The following VWC2L variants were observed in gnomAD, a reference collection of about 807,000 sequenced individuals.
VWC2L encodes von Willebrand factor C domain containing 2 like, also known as von Willebrand factor C domain-containing protein 2-like.
Under a neutral mutation model 21.6 loss-of-function variants are expected in VWC2L, and 10 were observed. The observed-to-expected ratio is 0.46, with a 90% CI of 0.29 to 0.78. VWC2L has a LOEUF of 0.78. VWC2L is among the 30% of genes least tolerant of loss of function. The probability of loss-of-function intolerance (pLI) is 0.10; values close to 1 mark genes in which losing one functional copy is unlikely to be tolerated. For synonymous variants in VWC2L, 96 were observed against 94.3 expected (o/e 1.02, Z -0.10); for missense variants, 209 against 277.1 (o/e 0.75, Z 1.74).
chr2:214,480,275 A>G (rs1198066657), intron 3 of VWC2L, among the ~76,000 whole-genome samples: 3 of 152,224 alleles, frequency 2.0e-5, no homozygotes, highest in African/African-American at 7.2e-5. Flanking sequence ...GATAATGTGA[A>G]TTAACAAAAC....
At chr2:214,487,893 T>C (rs923411606) in intron 3 of VWC2L, among the ~76,000 whole-genome samples, 1 of 152,038 alleles carries the variant, frequency 6.6e-6, no homozygotes, top group Admixed American at 6.6e-5. Flanking sequence ...ACACGGAAAA[T>C]ATCTCATAAA....
chr2:214,487,849 G>A (rs899337511), intron 3 of VWC2L, among the ~76,000 whole-genome samples: 1 of 152,246 alleles, frequency 6.6e-6, no homozygotes, highest in South Asian at 2.1e-4. Flanking sequence ...TTCAAATGAT[G>A]GGGCTTTATT....
At chr2:214,453,717 T>C (rs947594374) in intron 3 of VWC2L, among the ~76,000 whole-genome samples, 5 of 75,032 alleles carry the variant, frequency 6.7e-5, no homozygotes, top group African/African-American at 6.0e-4. Flanking sequence ...TCCCAAAGAA[T>C]TTTTTTTCTT....
intron 3 of VWC2L, among the ~76,000 whole-genome samples, chr2:214,524,841 T>C (rs573087292): frequency 2.6e-5 from 4 of 152,114 alleles, no homozygotes; most frequent in Non-Finnish European, 4.4e-5. Flanking sequence ...TAGACCGTTA[T>C]AGAATCTTGA....
intron 3 of VWC2L, among the ~76,000 whole-genome samples, chr2:214,458,832 C>T (rs568015481): frequency 6.6e-6 from 1 of 152,188 alleles, no homozygotes; most frequent in Admixed American, 6.5e-5. Context: ...TGCTTTATGG[C>T]CTAACATATG....
At chr2:214,519,926 A>G (rs1689206044) in intron 3 of VWC2L, among the ~76,000 whole-genome samples, 1 of 152,242 alleles carries the variant, frequency 6.6e-6, no homozygotes, top group African/African-American at 2.4e-5. Flanking sequence ...GTTTCAAACA[A>G]TACCAAAAAG....
At chr2:214,415,907 T>C (rs1384526340) in intron 2 of VWC2L, among the ~76,000 whole-genome samples, 2 of 152,156 alleles carry the variant, frequency 1.3e-5, no homozygotes, top group African/African-American at 2.4e-5. Flanking sequence ...AAAAGTATCA[T>C]TGTTGACACC....
At chr2:214,498,355 G>C in intron 3 of VWC2L, among the ~76,000 whole-genome samples, 1 of 152,082 alleles carries the variant, frequency 6.6e-6, no homozygotes, top group Non-Finnish European at 1.5e-5. Context: ...TAAAGTGTGT[G>C]GTTTCAAAAC....
intron 3 of VWC2L, among the ~76,000 whole-genome samples, chr2:214,516,073 C>T (rs1405401396): frequency 1.3e-5 from 2 of 152,130 alleles, no homozygotes; most frequent in Non-Finnish European, 2.9e-5. Flanking sequence ...TTGGCACAGA[C>T]TCTTGAGAGT....
intron 3 of VWC2L, among the ~76,000 whole-genome samples, chr2:214,545,272 C>T (rs1016297044): frequency 3.3e-5 from 5 of 152,036 alleles, no homozygotes; most frequent in Non-Finnish European, 5.9e-5. Context: ...GTGTTATATC[C>T]GCGTGCACCC....
chr2:214,537,368 C>T (rs1042885219), intron 3 of VWC2L, among the ~76,000 whole-genome samples: 1 of 151,538 alleles, frequency 6.6e-6, no homozygotes, highest in African/African-American at 2.4e-5. Flanking sequence ...TCACATGTGG[C>T]AACATGGATG....
chr2:214,502,354 G>A (rs943952723), intron 3 of VWC2L, among the ~76,000 whole-genome samples: 2 of 152,150 alleles, frequency 1.3e-5, no homozygotes, highest in African/African-American at 4.8e-5. Context: ...GGCGGATCAT[G>A]AGTTCAGGAG....
intron 2 of VWC2L, among the ~76,000 whole-genome samples, chr2:214,421,707 G>A (rs901236560): frequency 2.0e-5 from 3 of 151,760 alleles, no homozygotes; most frequent in Non-Finnish European, 4.4e-5. Context: ...ATTGAGAGAA[G>A]ATGAAGCTGA....
intron 2 of VWC2L, among the ~76,000 whole-genome samples, chr2:214,416,640 T>C (rs1045802221): frequency 6.6e-6 from 1 of 152,080 alleles, no homozygotes; most frequent in African/African-American, 2.4e-5. Flanking sequence ...ACATACTATA[T>C]GATCTCTCAA....
chr2:214,547,247 C>G (rs1689723157), intron 3 of VWC2L, among the ~76,000 whole-genome samples: 1 of 135,298 alleles, frequency 7.4e-6, no homozygotes. Context: ...AAATAGAATA[C>G]TTGGGGTTCC....
chr2:214,532,783 C>A (rs777996671), intron 3 of VWC2L, among the ~76,000 whole-genome samples: 10 of 152,102 alleles, frequency 6.6e-5, no homozygotes, highest in Non-Finnish European at 1.2e-4. Context: ...GAGCAGAACT[C>A]ATTTCAGGTG....
chr2:214,502,152 T>A (rs1688901925), intron 3 of VWC2L, among the ~76,000 whole-genome samples: 1 of 152,256 alleles, frequency 6.6e-6, no homozygotes, highest in Non-Finnish European at 1.5e-5. Flanking sequence ...TTTTTCCTCC[T>A]TATCTAGTCT....
At chr2:214,558,777 C>T (rs1689915857) in intron 3 of VWC2L, among the ~76,000 whole-genome samples, 1 of 151,636 alleles carries the variant, frequency 6.6e-6, no homozygotes, top group Non-Finnish European at 1.5e-5. Flanking sequence ...GTTGCAATTG[C>T]ACCTTAGATG....
intron 3 of VWC2L, among the ~76,000 whole-genome samples, chr2:214,474,153 T>C (rs886245225): frequency 2.6e-5 from 4 of 152,032 alleles, no homozygotes; most frequent in Admixed American, 6.6e-5. Context: ...CACTGCAGCA[T>C]TGAAAAAAAA....
Sources: allele counts gnomAD v4.1 joint callset (sites outside exome capture counted in the v4.1 genomes callset), GRCh38; gene constraint gnomAD v4.1.1; transcripts MANE v1.5; gene names NCBI Gene and HGNC (gene_info 2026-07-23, HGNC 2026-07-21).